Variants in NCEH1 observed in about 807,000 individuals in gnomAD.
NCEH1 encodes neutral cholesterol ester hydrolase 1.
Under a neutral mutation model 25.4 loss-of-function variants are expected in NCEH1, and 9 were observed. The observed-to-expected ratio is 0.35, with a 90% CI of 0.21 to 0.62. NCEH1 has a LOEUF of 0.62. Among genes scored for constraint, NCEH1 ranks in the 20% least tolerant of loss-of-function variants. The pLI is 0.72. For synonymous variants in NCEH1, 200 were observed against 199.8 expected, an observed-to-expected ratio of 1.00 and a Z score of -0.01; for missense variants, 412 against 501.1, an observed-to-expected ratio of 0.82 and a Z score of 1.70.
At chr3:172,645,580 C>T in intron 3 of NCEH1, 43 bp downstream of exon 3, 2 of 1,243,004 alleles carry the variant, frequency 1.6e-6, no homozygotes, top group Non-Finnish European at 2.3e-6. Context: ...ATCTAGAATT[C>T]CTTTATAAGA....
intron 1 of NCEH1, among the ~76,000 whole-genome samples, chr3:172,668,950 C>T (rs540639191): frequency 6.6e-6 from 1 of 152,044 alleles, no homozygotes; most frequent in East Asian, 1.9e-4. Context: ...GACTCCTGTA[C>T]TAGCCTCTCA....
intron 1 of NCEH1, among the ~76,000 whole-genome samples, chr3:172,666,401 A>G (rs1338440309): frequency 1.3e-5 from 2 of 152,036 alleles, no homozygotes; most frequent in Non-Finnish European, 2.9e-5. Context: ...CCCTATGCAA[A>G]CCAGACACTG....
intron 1 of NCEH1, among the ~76,000 whole-genome samples, chr3:172,682,658 C>G (rs184518936): frequency 1.2e-4 from 18 of 152,286 alleles, no homozygotes; most frequent in Middle Eastern, 3.4e-3. Context: ...CGTATGTTAC[C>G]TTCAACACTC....
At chr3:172,655,448 CAG>C (rs1210688173) in intron 1 of NCEH1, among the ~76,000 whole-genome samples, 1 of 152,216 alleles carries the variant, frequency 6.6e-6, no homozygotes, top group Non-Finnish European at 1.5e-5. Flanking sequence ...TATGGAGTAT[CAG>C]TATGCTACTG....
At chr3:172,655,215 T>G (rs1717632542) in intron 1 of NCEH1, among the ~76,000 whole-genome samples, 2 of 152,226 alleles carry the variant, frequency 1.3e-5, no homozygotes, top group Non-Finnish European at 2.9e-5. Context: ...TACCCTGTCT[T>G]GGCTAGCTGA....
chr3:172,659,329 A>G (rs1392447049), intron 1 of NCEH1, among the ~76,000 whole-genome samples: 1 of 152,170 alleles, frequency 6.6e-6, no homozygotes, highest in Non-Finnish European at 1.5e-5. Context: ...AAAGGAATTG[A>G]TCTGGTTAAG....
intron 1 of NCEH1, among the ~76,000 whole-genome samples, chr3:172,690,123 T>G (rs1712954196): frequency 6.6e-6 from 1 of 152,088 alleles, no homozygotes; most frequent in South Asian, 2.1e-4. Flanking sequence ...CAGGATGGTC[T>G]CAATCTCCTC....
At chr3:172,690,355 T>C (rs917891585) in intron 1 of NCEH1, among the ~76,000 whole-genome samples, 1 of 152,212 alleles carries the variant, frequency 6.6e-6, no homozygotes, top group Non-Finnish European at 1.5e-5. Context: ...TAATGTCAAC[T>C]CTTTTCAAAG....
intron 1 of NCEH1, among the ~76,000 whole-genome samples, chr3:172,669,606 G>T (rs146169923): frequency 6.6e-6 from 1 of 152,220 alleles, no homozygotes; most frequent in Non-Finnish European, 1.5e-5. Flanking sequence ...GCACAATCTC[G>T]GCTCACTGCA....
At chr3:172,649,866 T>G (rs1165900174) in intron 1 of NCEH1, among the ~76,000 whole-genome samples, 1 of 152,248 alleles carries the variant, frequency 6.6e-6, no homozygotes, top group Non-Finnish European at 1.5e-5. Context: ...CTCTGTTATA[T>G]TATGAACTGT....
chr3:172,654,493 G>A (rs1422715401), intron 1 of NCEH1, among the ~76,000 whole-genome samples: 7 of 152,138 alleles, frequency 4.6e-5, no homozygotes, highest in Non-Finnish European at 8.8e-5. Context: ...TGAGACTATC[G>A]TTTTTCCTAT....
At chr3:172,671,237 G>A (rs1209732416) in intron 1 of NCEH1, among the ~76,000 whole-genome samples, 2 of 152,180 alleles carry the variant, frequency 1.3e-5, no homozygotes, top group Admixed American at 6.5e-5. Context: ...TCAGAAACCA[G>A]AAAGTAGGAT....
At chr3:172,665,435 G>A (rs1560192283) in intron 1 of NCEH1, among the ~76,000 whole-genome samples, 1 of 152,230 alleles carries the variant, frequency 6.6e-6, no homozygotes, top group Non-Finnish European at 1.5e-5. Flanking sequence ...CTACTGAGGG[G>A]TCAGGGACCC....
chr3:172,707,678 C>T (rs556641013), intron 1 of NCEH1, among the ~76,000 whole-genome samples: 5 of 152,240 alleles, frequency 3.3e-5, no homozygotes, highest in East Asian at 1.9e-4. Flanking sequence ...CTCCACCTCC[C>T]GGGTTCACGC....
chr3:172,660,398 C>T (rs1717918985), intron 1 of NCEH1, among the ~76,000 whole-genome samples: 1 of 152,034 alleles, frequency 6.6e-6, no homozygotes, highest in African/African-American at 2.4e-5. Context: ...GGGTTGGTTC[C>T]AAGTCTTTGC....
At chr3:172,637,044 T>A (rs1431940364) in intron 3 of NCEH1, among the ~76,000 whole-genome samples, 1 of 152,196 alleles carries the variant, frequency 6.6e-6, no homozygotes, top group Non-Finnish European at 1.5e-5. Context: ...TATTTCTATG[T>A]GCCAGGGTAC....
chr3:172,686,828 C>T (rs1347001602), intron 1 of NCEH1, among the ~76,000 whole-genome samples: 2 of 152,188 alleles, frequency 1.3e-5, no homozygotes, highest in Non-Finnish European at 2.9e-5. Flanking sequence ...TTTCTCACAC[C>T]AAGTTTTCCT....
intron 1 of NCEH1, among the ~76,000 whole-genome samples, chr3:172,700,242 A>T (rs1011593713): frequency 1.3e-5 from 2 of 152,208 alleles, no homozygotes; most frequent in Admixed American, 1.3e-4. Flanking sequence ...GAATTCTGTT[A>T]TTCAAGCTCA....
At chr3:172,697,699 T>C (rs1004169909) in intron 1 of NCEH1, among the ~76,000 whole-genome samples, 7 of 152,128 alleles carry the variant, frequency 4.6e-5, no homozygotes, top group African/African-American at 1.7e-4. Flanking sequence ...AGACAGAAGA[T>C]TGAACAACCA....
Sources: allele counts gnomAD v4.1 joint callset (sites outside exome capture counted in the v4.1 genomes callset), GRCh38; gene constraint gnomAD v4.1.1; transcripts MANE v1.5; gene names NCBI Gene and HGNC (gene_info 2026-07-23, HGNC 2026-07-21).